Variants in ERI1 observed in about 807,000 individuals in gnomAD.
ERI1 encodes the protein exoribonuclease 1.
A neutral mutation model predicts 39.7 loss-of-function variants in ERI1; 39 were observed. The observed-to-expected ratio is 0.98, with a 90% CI of 0.76 to 1.28. The LOEUF (loss-of-function observed/expected upper bound fraction) is 1.28, where lower values mean the gene tolerates loss of function less well. Ranked by LOEUF, ERI1 falls within the 50% of genes most tolerant of loss-of-function variation. The pLI is 0.00. For missense variants in ERI1, 581 were observed against 416.9 expected (o/e 1.39, Z -3.43); for synonymous variants, 204 against 149.6 (o/e 1.36, Z -2.65).
intron 3 of ERI1, among the ~76,000 whole-genome samples, chr8:9,092,892 A>G (rs1428568938): frequency 1.3e-5 from 2 of 152,074 alleles, no homozygotes; most frequent in Non-Finnish European, 2.9e-5. Flanking sequence ...GTTCCTTCTG[A>G]GGGCTGGGAG....
In ERI1 at chr8:9,032,482, C is replaced by G. The variant is rs1797657349; in HGVS notation, c.*2448C>G. On this transcript the variant is annotated 3_prime_UTR_variant, in exon 7 of 7. Coordinates refer to ENST00000250263, the MANE Select transcript of ERI1 (RefSeq NM_153332.4). Reference sequence around the variant, plus strand: ...TTGGATCAAGTATTTAACATTTGCTCTGAAAAAAATGTTTTTGTGATGTGT... The same window carrying G: ...TTGGATCAAGTATTTAACATTTGCTGTGAAAAAAATGTTTTTGTGATGTGT... 6.6e-6 allele frequency: 1 copy of G among 151,862 alleles called. No individual in the cohort carries two copies. Among genetic ancestry groups the G allele is most frequent in the African/African-American group, 2.4e-5 (1 of 41,296 alleles). 9.4% of individuals were successfully genotyped at this position (151,862 alleles called of 1,614,324 possible).
rs1797484318 is a variant in ERI1 at position 9,030,140 on chromosome 8, A to T, written c.*106A>T. The stretch of plus-strand genomic sequence containing the variant: ...GTGCAAACTTTAAGCACCTTAAAAC[A>T]TTTAAAATCTTATTACAGGTGATAG... On this transcript the variant is annotated 3_prime_UTR_variant, in exon 7 of 7. Transcript: ENST00000250263. 3 of 1,403,192 alleles carry T rather than the reference A, an allele frequency of 2.1e-6. No individual in the cohort carries two copies. The highest frequency in any genetic ancestry group is 2.6e-5 in the South Asian group (2 of 76,258). The allele number at this position is 1,403,192 out of a possible 1,614,324, so 86.9% of individuals were successfully genotyped here. A position where few individuals can be genotyped will look rare whatever the true frequency, so the allele number is the denominator to read the frequency against.
At chr8:9,071,328 T>A (rs1299591714) in intron 3 of ERI1, among the ~76,000 whole-genome samples, 1 of 152,250 alleles carries the variant, frequency 6.6e-6, no homozygotes, top group Non-Finnish European at 1.5e-5. Context: ...CTGGAATTTC[T>A]ATTCTAGTTA....
At position 9,003,985 on chromosome 8, in the gene ERI1, G is replaced by T. The variant is rs114726187; in HGVS notation, c.108+814G>T. On this transcript the variant is annotated intron_variant, in intron 1 of 6. Transcript: ENST00000250263. ...CATGAATTTGGCTTATTCCCCTCCT[G>T]AGTCACTTCCATTTGCTGCTCTGCG... The T allele has an allele frequency of 4.6e-4, 394 of 856,754 alleles. 1 individual carries two copies. The African/African-American group carries it at 6.6e-3, about 14-fold the overall frequency. The allele number at this position is 856,754 out of a possible 1,614,324, so 53.1% of individuals were successfully genotyped here. A position where few individuals can be genotyped will look rare whatever the true frequency, so the allele number is the denominator to read the frequency against.
intron 6 of ERI1, among the ~76,000 whole-genome samples, chr8:9,027,564 A>T (rs1338541118): frequency 1.3e-5 from 2 of 152,150 alleles, no homozygotes; most frequent in Admixed American, 6.5e-5. Flanking sequence ...ATCCATTGTC[A>T]TAAAGCCTTT....
intron 6 of ERI1, among the ~76,000 whole-genome samples, chr8:9,029,540 A>G (rs1203507286): frequency 6.6e-6 from 1 of 152,160 alleles, no homozygotes; most frequent in Non-Finnish European, 1.5e-5. Flanking sequence ...CATGTTCGCC[A>G]GGCTGGTCTC....
chr8:9,076,925 C>T (rs1281633953), intron 3 of ERI1, among the ~76,000 whole-genome samples: 1 of 152,148 alleles, frequency 6.6e-6, no homozygotes, highest in East Asian at 1.9e-4. Context: ...TATTATAAGG[C>T]CACACCAGTG....
intron 3 of ERI1, among the ~76,000 whole-genome samples, chr8:9,061,344 A>G (rs368807462): frequency 5.9e-5 from 9 of 152,300 alleles, no homozygotes; most frequent in South Asian, 2.1e-4. Context: ...GCCAGGAACA[A>G]TGGTAATTGT....
intron 3 of ERI1, among the ~76,000 whole-genome samples, chr8:9,087,640 G>A (rs976993673): frequency 3.9e-5 from 6 of 151,972 alleles, no homozygotes; most frequent in Admixed American, 2.0e-4. Flanking sequence ...TAATGCACAC[G>A]CAGATACAGA....
At chr8:9,007,828 A>G (rs1816184271) in intron 1 of ERI1, 142 bp from the exon 2 acceptor site, 14 of 1,247,938 alleles carry the variant, frequency 1.1e-5, no homozygotes, top group Non-Finnish European at 1.5e-5. Context: ...TCCGTTTAGG[A>G]GCTGCAGTGA....
rs889373123 is a variant in ERI1, at chr8:9,005,909, C to G, written c.109-2061C>G. Among the ~76,000 whole-genome samples, 133 of 152,276 alleles carry G rather than the reference C, an allele frequency of 8.7e-4. 2 individuals carry two copies. The highest frequency in any genetic ancestry group is 1.0e-4 in the Non-Finnish European group (7 of 68,014). On this transcript the variant is annotated intron_variant, in intron 1 of 6. Coordinates refer to ENST00000250263, the MANE Select transcript of ERI1 (RefSeq NM_153332.4). ...CTTCTCTTATTTGAGATAATATAAA[C>G]CATACATCCACTTAATTGAATACGT...
At chr8:9,034,009 A>G (rs1227180879), downstream of ERI1, among the ~76,000 whole-genome samples, 1 of 152,228 alleles carries the variant, frequency 6.6e-6, no homozygotes. Context: ...GGAGATGGGG[A>G]TAAGTGGAGA....
chr8:9,036,992 A>G (rs145588442), downstream of ERI1, among the ~76,000 whole-genome samples: 1 of 152,174 alleles, frequency 6.6e-6, no homozygotes, highest in Non-Finnish European at 1.5e-5. Flanking sequence ...TTGTCCAGTC[A>G]CTTTATCCTC....
chr8:9,027,424 C>G (rs752308256), intron 6 of ERI1, among the ~76,000 whole-genome samples: 72 of 152,240 alleles, frequency 4.7e-4, no homozygotes, highest in Middle Eastern at 3.4e-3. Context: ...AATGTATCTT[C>G]TGTTCCATGG....
chr8:9,085,289 A>C (rs571804078), intron 3 of ERI1, among the ~76,000 whole-genome samples: 1 of 152,224 alleles, frequency 6.6e-6, no homozygotes, highest in East Asian at 1.9e-4. Context: ...ACTTACTGCA[A>C]ACTCTGCCTC....
At chr8:9,013,136 T>G (rs1377431563) in intron 3 of ERI1, among the ~76,000 whole-genome samples, 1 of 151,968 alleles carries the variant, frequency 6.6e-6, no homozygotes, top group African/African-American at 2.4e-5. Context: ...TGCCTCAGCC[T>G]CCTGAGTAGC....
chr8:9,090,090 C>T (rs1468160994), intron 3 of ERI1, among the ~76,000 whole-genome samples: 8 of 152,102 alleles, frequency 5.3e-5, no homozygotes, highest in East Asian at 3.8e-4. Context: ...GATGTGCAAC[C>T]GGGAGACACA....
At chr8:9,039,550 T>C (rs1479782925) in intron 3 of ERI1, among the ~76,000 whole-genome samples, 3 of 152,168 alleles carry the variant, frequency 2.0e-5, no homozygotes, top group Non-Finnish European at 2.9e-5. Context: ...TTATAACAAG[T>C]CGCAGTCATC....
chr8:9,073,963 A>T (rs1216441987), intron 3 of ERI1, among the ~76,000 whole-genome samples: 2 of 152,134 alleles, frequency 1.3e-5, no homozygotes, highest in African/African-American at 2.4e-5. Flanking sequence ...TTTAATTTTT[A>T]TCCTTACAGA....
Sources: allele counts gnomAD v4.1 joint callset (sites outside exome capture counted in the v4.1 genomes callset), GRCh38; gene constraint gnomAD v4.1.1; transcripts MANE v1.5; gene names NCBI Gene and HGNC (gene_info 2026-07-23, HGNC 2026-07-21).